ABCC6: variants seen among roughly 807,000 people sequenced by gnomAD.
ABCC6 encodes ATP-binding cassette sub-family C member 6.
Under a neutral mutation model 169.5 loss-of-function variants are expected in ABCC6, and 126 were observed. The ratio of observed to expected loss-of-function variants is 0.74; its 90% confidence interval spans 0.64 to 0.86. The LOEUF (loss-of-function observed/expected upper bound fraction) is 0.86. ABCC6 is among the 40% of genes least tolerant of loss of function. The probability of loss-of-function intolerance (pLI) is 0.00; values close to 1 mark genes in which losing one functional copy is unlikely to be tolerated. For missense variants in ABCC6, 1,733 were observed against 1,927.2 expected (o/e 0.90, Z 1.89); for synonymous variants, 752 against 814.7 (o/e 0.92, Z 1.31).
intron 6 of ABCC6, among the ~76,000 whole-genome samples, chr16:16,211,811 A>G (rs1425006994): frequency 6.6e-6 from 1 of 152,118 alleles, no homozygotes; most frequent in Non-Finnish European, 1.5e-5. Context: ...TGTTGGTGGA[A>G]TGACTGAAAT....
chr16:16,182,405 CT>C lies in ABCC6; in HGVS notation c.2247+6del, dbSNP rs755450046. The C allele has an allele frequency of 6.2e-7, 1 of 1,613,636 alleles. No homozygotes were observed. Among genetic ancestry groups the C allele is most frequent in the South Asian group, 1.1e-5 (1 of 91,050 alleles). On this transcript the variant is annotated splice_donor_region_variant and intron_variant, in intron 17 of 30. Coordinates refer to ENST00000205557, the MANE Select transcript of ABCC6 (RefSeq NM_001171.6). ...TCCCTGTCCCAAAAAGACCCCCAAA[CT>C]CTCACCTGCTCCCCAATTGAAGTGT...
chr16:16,185,024 C>G lies in ABCC6; in HGVS notation c.1878G>C (p.Lys626Asn), dbSNP rs1213360943. The part of the protein sequence containing the change: ...DSSSSGSAAG[K>N]DCITIHSATF... ...TGGCACTGTGTATGGTGATGCAATC[C>G]TTCCCGGCAGCTGCAGGGCACAAGA... Residue 626 changes from lysine (K) to asparagine (N), a missense_variant, in exon 15 of 31, where the codon AAG becomes AAC. This residue lies in a region of ABCC6 where 1,601 missense variants were observed against 1,635.5 expected (regional missense o/e 0.98). Transcript: ENST00000205557. The G allele has an allele frequency of 6.2e-7, 1 of 1,613,576 alleles. No individual in the cohort carries two copies. The highest frequency in any genetic ancestry group is 8.5e-7 in the Non-Finnish European group (1 of 1,179,600).
intron 6 of ABCC6, among the ~76,000 whole-genome samples, chr16:16,209,136 T>G (rs952866297): frequency 2.4e-4 from 37 of 152,138 alleles, no homozygotes; most frequent in African/African-American, 8.7e-4. Context: ...CAGGCTGGAG[T>G]GCAGTGGTGC....
intron 16 of ABCC6, 107 bp from the exon 17 acceptor site, chr16:16,182,695 A>G: frequency 6.4e-7 from 1 of 1,574,654 alleles, no homozygotes; most frequent in South Asian, 1.1e-5. Context: ...AGAGGTGGAG[A>G]GAATGAGTGA....
chr16:16,190,306 G>C lies in ABCC6; in HGVS notation c.1493C>G (p.Ser498Trp). 6.2e-7 allele frequency: 1 copy of C among 1,614,140 alleles called. No individual in the cohort carries two copies. The highest frequency in any genetic ancestry group is 8.5e-7 in the Non-Finnish European group (1 of 1,180,018). Residue 498 changes from serine (S) to tryptophan (W), a missense_variant, in exon 12 of 31, where the codon TCG becomes TGG. Coordinates refer to ENST00000205557, the MANE Select transcript of ABCC6 (RefSeq NM_001171.6). Reference protein sequence around the residue: ...ARLTSSILRNSKTIKFHGWEG... With the variant: ...ARLTSSILRNWKTIKFHGWEG... ...CCAGCCATGGAACTTGATGGTCTTC[G>C]AGTTCCTGAGGATAGAGCTGGTGAG...
At chr16:16,155,472 C>G (rs1238885153) in intron 27 of ABCC6, 1 of 205,910 alleles carries the variant, frequency 4.9e-6, no homozygotes, top group Non-Finnish European at 9.9e-6. Context: ...CCACCCCATT[C>G]CATTCATCCA....
Position 16,185,005 on chromosome 16 carries a change from T to C in ABCC6, c.1897A>G (p.Ser633Gly). Residue 633 changes from serine (S) to glycine (G), a missense_variant, in exon 15 of 31, where the codon AGT becomes GGT. By Grantham distance (56) the Ser-to-Gly change is moderately conservative. Transcript: ENST00000205557. ...AAGKDCITIH[S>G]ATFAWSQESP... ...TCCTGGGACCAGGCGAAGGTGGCACTGTGTATGGTGATGCAATCCTTCCCG... is the reference window on the plus strand; with the variant it reads ...TCCTGGGACCAGGCGAAGGTGGCACCGTGTATGGTGATGCAATCCTTCCCG... 6.2e-7 allele frequency: 1 copy of C among 1,613,738 alleles called. No homozygotes were observed. The highest frequency in any genetic ancestry group is 8.5e-7 in the Non-Finnish European group (1 of 1,179,686).
chr16:16,151,506 G>T (rs1008033190), intron 29 of ABCC6, among the ~76,000 whole-genome samples: 9 of 152,168 alleles, frequency 5.9e-5, no homozygotes, highest in Non-Finnish European at 1.3e-4. Flanking sequence ...GCTGCTTCAA[G>T]AATCAAATCT....
intron 29 of ABCC6, among the ~76,000 whole-genome samples, chr16:16,153,806 A>T: frequency 6.8e-6 from 1 of 147,622 alleles, no homozygotes; most frequent in South Asian, 2.4e-4. Context: ...CGGGAGGCTG[A>T]GGTGGGAGGA....
At chr16:16,187,375 G>A (rs1412902889) in intron 13 of ABCC6, among the ~76,000 whole-genome samples, 164 bp from the exon 14 acceptor site, 1 of 152,206 alleles carries the variant, frequency 6.6e-6, no homozygotes, top group East Asian at 1.9e-4. Flanking sequence ...GATGCAACCC[G>A]AGTGGTGACC....
chr16:16,164,533 A>G (rs1181380669), intron 23 of ABCC6, among the ~76,000 whole-genome samples: 1 of 152,142 alleles, frequency 6.6e-6, no homozygotes, highest in Non-Finnish European at 1.5e-5. Context: ...GCCAATCAGA[A>G]CCTTCCCTGG....
At chr16:16,220,906 A>AC (rs952019518) in intron 2 of ABCC6, among the ~76,000 whole-genome samples, 8 of 152,028 alleles carry the variant, frequency 5.3e-5, no homozygotes, top group Non-Finnish European at 7.4e-5. Context: ...TCAAAAAAAA[A>AC]AAACAAACAA....
rs964712550 is a variant in ABCC6, at chr16:16,157,762, C to G, written c.3783G>C (p.Gln1261His). ...PTCAAQPPWP[Q>H]GGQIEFRDFG... is the part of the protein sequence containing the mutation. ...AGTCCCGGAACTCGATCTGCCCGCC[C>G]TGAGGCCAGGGGGGCTGAGCTGCAC... Residue 1261 changes from glutamine to histidine, a missense_variant, in exon 27 of 31, where the codon CAG becomes CAC. By Grantham distance (24) the Gln-to-His change is conservative. Transcript: ENST00000205557. 1 of 1,613,702 alleles carries G rather than the reference C, an allele frequency of 6.2e-7. No homozygotes were observed. The highest frequency in any genetic ancestry group is 1.3e-5 in the African/African-American group (1 of 74,908).
intron 10 of ABCC6, among the ~76,000 whole-genome samples, chr16:16,197,560 C>T (rs775773117): frequency 4.2e-5 from 6 of 141,496 alleles, no homozygotes; most frequent in Non-Finnish European, 9.1e-5. Context: ...GGGAAGATGA[C>T]AGGGAGCAGA....
chr16:16,221,900 G>T (rs2049088651), intron 1 of ABCC6, 69 bp from the exon 2 acceptor site: 12 of 1,611,444 alleles, frequency 7.4e-6, no homozygotes, highest in Non-Finnish European at 8.5e-6. Context: ...TGCCCAGGGG[G>T]CCAGGCAACT....
chr16:16,197,637 G>T (rs1260391861), intron 10 of ABCC6, among the ~76,000 whole-genome samples: 1 of 145,906 alleles, frequency 6.9e-6, no homozygotes, highest in Non-Finnish European at 1.5e-5. Context: ...AAAGGAAGGG[G>T]TGCAGGAAGA....
intron 22 of ABCC6, among the ~76,000 whole-genome samples, chr16:16,166,902 A>AAAAAC (rs1555509730): frequency 6.6e-6 from 1 of 150,762 alleles, no homozygotes; most frequent in East Asian, 2.0e-4. Context: ...CGTCTCAGAA[A>AAAAAC]AAACAAACAA....
At chr16:16,194,013 G>T (rs981370073) in intron 10 of ABCC6, among the ~76,000 whole-genome samples, 4 of 152,216 alleles carry the variant, frequency 2.6e-5, no homozygotes, top group Non-Finnish European at 4.4e-5. Context: ...ACGATAGGGA[G>T]AGAGTTATAT....
chr16:16,187,904 AAAT>A (rs71137921), intron 13 of ABCC6, among the ~76,000 whole-genome samples: 29,825 of 119,552 alleles, frequency 0.25, 3,609 homozygotes, highest in Non-Finnish European at 0.32. Context: ...CTCAATAAAT[AAAT>A]TAAATAAATA....
Sources: allele counts gnomAD v4.1 joint callset (sites outside exome capture counted in the v4.1 genomes callset), GRCh38; gene constraint gnomAD v4.1.1; regional missense constraint gnomAD v4.1.1; transcripts MANE v1.5; gene names NCBI Gene and HGNC (gene_info 2026-07-23, HGNC 2026-07-21).